CAMTA1: variants seen among roughly 807,000 people sequenced by gnomAD.
The protein encoded by CAMTA1 is calmodulin-binding transcription activator 1.
Under a neutral mutation model 170.9 loss-of-function variants are expected in CAMTA1, and 27 were observed. The ratio of observed to expected loss-of-function variants is 0.16; its 90% CI spans 0.12 to 0.22. The LOEUF is 0.22. CAMTA1 is among the 10% of genes least tolerant of loss of function. CAMTA1 has a pLI of 1.00. For missense variants in CAMTA1, 1,619 were observed against 2,217.2 expected, an observed-to-expected ratio of 0.73 and a Z score of 5.42; for synonymous variants, 833 against 891.5, an observed-to-expected ratio of 0.93 and a Z score of 1.17.
At chr1:7,256,501 A>G (rs1376287024) in intron 5 of CAMTA1, among the ~76,000 whole-genome samples, 1 of 152,238 alleles carries the variant, frequency 6.6e-6, no homozygotes, top group Non-Finnish European at 1.5e-5. Context: ...CGCAGCTTGC[A>G]GTGAGCTGAG....
intron 5 of CAMTA1, among the ~76,000 whole-genome samples, chr1:7,365,294 C>T (rs1009539479): frequency 2.6e-5 from 4 of 152,212 alleles, no homozygotes; most frequent in Non-Finnish European, 5.9e-5. Context: ...AAATCACCCT[C>T]GAATTATCTC....
chr1:7,048,018 G>A (rs568101922), intron 3 of CAMTA1, among the ~76,000 whole-genome samples: 5 of 152,128 alleles, frequency 3.3e-5, no homozygotes, highest in Non-Finnish European at 5.9e-5. Context: ...TAGCCAGTTG[G>A]TGAAGTCTAG....
At chr1:6,862,968 A>G (rs960503664) in intron 3 of CAMTA1, among the ~76,000 whole-genome samples, 7 of 152,244 alleles carry the variant, frequency 4.6e-5, no homozygotes, top group African/African-American at 1.2e-4. Context: ...AATCATCAGA[A>G]TTACACTAAT....
At chr1:6,883,699 G>C (rs954910973) in intron 3 of CAMTA1, among the ~76,000 whole-genome samples, 1 of 152,094 alleles carries the variant, frequency 6.6e-6, no homozygotes, top group Non-Finnish European at 1.5e-5. Context: ...TAGTCGAAGA[G>C]TAGATAGAGG....
At chr1:6,935,910 A>G (rs1685228123) in intron 3 of CAMTA1, among the ~76,000 whole-genome samples, 1 of 152,148 alleles carries the variant, frequency 6.6e-6, no homozygotes, top group Non-Finnish European at 1.5e-5. Flanking sequence ...TCAGGGTCTC[A>G]GAAGGTGGCA....
At chr1:6,860,147 T>G (rs1408837658) in intron 3 of CAMTA1, among the ~76,000 whole-genome samples, 3 of 152,226 alleles carry the variant, frequency 2.0e-5, no homozygotes, top group Non-Finnish European at 4.4e-5. Context: ...TATTTCAGTC[T>G]TAGTTTTCTT....
chr1:7,551,502 A>T (rs1013310160), intron 6 of CAMTA1, among the ~76,000 whole-genome samples: 3 of 152,154 alleles, frequency 2.0e-5, no homozygotes, highest in African/African-American at 7.2e-5. Flanking sequence ...TGAGCTCCAG[A>T]GAACCGTGTG....
intron 22 of CAMTA1, among the ~76,000 whole-genome samples, chr1:7,764,151 C>T (rs1307393503): frequency 6.6e-6 from 1 of 151,752 alleles, no homozygotes. Flanking sequence ...AATTAGGGAC[C>T]TATAGTGATG....
chr1:7,270,488 G>T (rs1369243849), intron 5 of CAMTA1, among the ~76,000 whole-genome samples: 2 of 151,786 alleles, frequency 1.3e-5, no homozygotes, highest in African/African-American at 2.4e-5. Context: ...TAGAGAGGGG[G>T]TTTCATCAAG....
intron 3 of CAMTA1, among the ~76,000 whole-genome samples, chr1:6,829,647 A>G (rs1570581057): frequency 6.6e-6 from 1 of 152,192 alleles, no homozygotes; most frequent in Admixed American, 6.5e-5. Context: ...TTATTTGACT[A>G]TCCTTATCTT....
intron 3 of CAMTA1, among the ~76,000 whole-genome samples, chr1:7,042,662 G>A (rs1704656074): frequency 6.6e-6 from 1 of 152,188 alleles, no homozygotes; most frequent in South Asian, 2.1e-4. Context: ...GAGCGCGGAG[G>A]CCTTTCGCAT....
At chr1:7,225,737 T>C (rs1661586027) in intron 4 of CAMTA1, among the ~76,000 whole-genome samples, 1 of 152,202 alleles carries the variant, frequency 6.6e-6, no homozygotes, top group South Asian at 2.1e-4. Context: ...CGCATGATCA[T>C]AGACTTTTGG....
chr1:7,043,754 A>T (rs541967832), intron 3 of CAMTA1, among the ~76,000 whole-genome samples: 37 of 152,258 alleles, frequency 2.4e-4, no homozygotes, highest in Admixed American at 7.8e-4. Context: ...ACGGGAGAAC[A>T]TTAGGGCCTT....
chr1:6,864,721 C>A (rs778027443), intron 3 of CAMTA1, among the ~76,000 whole-genome samples: 2 of 152,150 alleles, frequency 1.3e-5, no homozygotes, highest in Non-Finnish European at 2.9e-5. Flanking sequence ...CATGTTGTTT[C>A]TTCAGGGGAC....
intron 2 of CAMTA1, among the ~76,000 whole-genome samples, chr1:6,824,072 A>G (rs1646836184): frequency 6.6e-6 from 1 of 152,204 alleles, no homozygotes; most frequent in South Asian, 2.1e-4. Context: ...AAACCTTATT[A>G]TATCATGAAA....
At chr1:7,402,439 G>A (rs1462690200) in intron 5 of CAMTA1, among the ~76,000 whole-genome samples, 1 of 152,154 alleles carries the variant, frequency 6.6e-6, no homozygotes, top group African/African-American at 2.4e-5. Flanking sequence ...ATCTCCCTGA[G>A]GCCATGATAG....
chr1:6,912,801 C>A (rs538356567), intron 3 of CAMTA1, among the ~76,000 whole-genome samples: 15 of 152,362 alleles, frequency 9.8e-5, no homozygotes, highest in Admixed American at 5.2e-4. Flanking sequence ...GGCGTGCTGC[C>A]CGCCTCCATG....
Position 7,007,561 on chromosome 1 carries a change from C to T in CAMTA1, c.235-83743C>T, listed in dbSNP as rs557743108. Among the ~76,000 whole-genome samples, 1 of 152,300 alleles carries T rather than the reference C, an allele frequency of 6.6e-6. No homozygotes were observed. Among genetic ancestry groups the T allele is most frequent in the East Asian group, 1.9e-4 (1 of 5,176 alleles). ...CTCCTGACCGGGGCTCAGTTTACCT[C>T]CTGCTTCAGCCCTTACTCGCCTCCT... On this transcript the variant is annotated intron_variant, in intron 3 of 22. Coordinates refer to ENST00000303635, the MANE Select transcript of CAMTA1 (RefSeq NM_015215.4). The surrounding 1 kb of genome is among the most constrained non-coding windows in gnomAD (Gnocchi z 4.5).
At chr1:7,560,573 C>T (rs2094943305) in intron 6 of CAMTA1, among the ~76,000 whole-genome samples, 1 of 152,230 alleles carries the variant, frequency 6.6e-6, no homozygotes, top group Admixed American at 6.5e-5. Flanking sequence ...GCATCCAAAG[C>T]CAGCCATTAG....
Sources: allele counts gnomAD v4.1 joint callset (sites outside exome capture counted in the v4.1 genomes callset), GRCh38; gene constraint gnomAD v4.1.1; non-coding constraint Gnocchi (gnomAD v3.1); transcripts MANE v1.5; gene names NCBI Gene and HGNC (gene_info 2026-07-23, HGNC 2026-07-21).